Variants in PRKN observed in about 807,000 individuals in gnomAD.
PRKN encodes the protein E3 ubiquitin-protein ligase parkin.
Under a neutral mutation model 59.5 loss-of-function variants are expected in PRKN, and 56 were observed. The observed-to-expected ratio is 0.94, with a 90% CI of 0.76 to 1.18. PRKN has a LOEUF of 1.18. PRKN is among the 50% of genes most tolerant of loss of function. The pLI, the probability that PRKN is intolerant of heterozygous loss-of-function variation, is 0.00. For synonymous variants in PRKN, 250 were observed against 222.1 expected (o/e 1.13, Z -1.12); for missense variants, 657 against 596.4 (o/e 1.10, Z -1.06).
intron 5 of PRKN, among the ~76,000 whole-genome samples, chr6:162,000,856 T>C (rs974970932): frequency 2.6e-5 from 4 of 151,942 alleles, no homozygotes; most frequent in Non-Finnish European, 5.9e-5. Flanking sequence ...TTTTTTTGTT[T>C]TTGCATGTTT....
intron 7 of PRKN, among the ~76,000 whole-genome samples, chr6:161,712,823 C>A (rs1174325478): frequency 6.6e-6 from 1 of 151,876 alleles, no homozygotes; most frequent in Non-Finnish European, 1.5e-5. Context: ...TGTTTTTGTC[C>A]TTGCACTCAG....
chr6:162,325,965 C>T (rs1783254101), intron 2 of PRKN, among the ~76,000 whole-genome samples: 1 of 152,074 alleles, frequency 6.6e-6, no homozygotes, highest in African/African-American at 2.4e-5. Context: ...GGTGACGGCA[C>T]ACATAATAGC....
intron 2 of PRKN, among the ~76,000 whole-genome samples, chr6:162,272,365 T>C (rs9458493): frequency 6.6e-6 from 1 of 151,938 alleles, no homozygotes; most frequent in East Asian, 1.9e-4. Flanking sequence ...TTCTTTTTTC[T>C]TTAAGTATTA....
Position 162,021,276 on chromosome 6 carries a change from T to C in PRKN, c.618+32815A>G, listed in dbSNP as rs533658563. 2.3e-4 allele frequency among the ~76,000 whole-genome samples: 22 copies of C among 93,828 alleles called. No individual in the cohort carries two copies. In the South Asian group the frequency reaches 7.3e-3, roughly 31 times the overall value. The allele number at this position is 93,828 out of a possible 152,430, so 61.6% of individuals were successfully genotyped here. A position where few individuals can be genotyped will look rare whatever the true frequency, so the allele number is the denominator to read the frequency against. Reference sequence around the variant, plus strand: ...TTGATAAGAAAACAGATAATTAAACTATCATATAAAACCACACTTAAATGA... The same window carrying C: ...TTGATAAGAAAACAGATAATTAAACCATCATATAAAACCACACTTAAATGA... On this transcript the variant is annotated intron_variant, in intron 5 of 11. Transcript: ENST00000366898.
In PRKN at chr6:162,142,379, G is replaced by C. The variant is rs113631875; in HGVS notation, c.534+58752C>G. Among the ~76,000 whole-genome samples the C allele has an allele frequency of 4.4e-3, 669 of 152,172 alleles. 6 individuals are homozygous for C. The highest frequency in any genetic ancestry group is 0.016 in the African/African-American group (653 of 41,502). ...TGCCAGGTACTTGATGTATGGCTTT[G>C]GTCAAGTAAGTTAAACTCTCTCTGC... On this transcript the variant is annotated intron_variant, in intron 4 of 11. Coordinates refer to ENST00000366898, the MANE Select transcript of PRKN (RefSeq NM_004562.3).
In PRKN at chr6:162,222,685, G is replaced by A. The variant is rs74344264; in HGVS notation, c.413-21433C>T. On this transcript the variant is annotated intron_variant, in intron 3 of 11. Coordinates refer to ENST00000366898, the MANE Select transcript of PRKN (RefSeq NM_004562.3). The stretch of plus-strand genomic sequence containing the variant: ...GTTAAGCACTGCTCACAATGTCTGC[G>A]GGTCAGACCTGAGGAAATGCGGGAC... 7.0e-3 allele frequency among the ~76,000 whole-genome samples: 1,066 copies of A among 152,128 alleles called. 13 individuals carry two copies. The highest frequency in any genetic ancestry group is 0.024 in the African/African-American group (1,004 of 41,482).
At chr6:162,074,811 C>G (rs1387670023) in intron 4 of PRKN, among the ~76,000 whole-genome samples, 1 of 152,086 alleles carries the variant, frequency 6.6e-6, no homozygotes, top group Non-Finnish European at 1.5e-5. Flanking sequence ...CGCGTTTCCC[C>G]CTTCACAACT....
At chr6:161,469,146 T>G (rs1449207463) in intron 9 of PRKN, among the ~76,000 whole-genome samples, 1 of 152,204 alleles carries the variant, frequency 6.6e-6, no homozygotes, top group African/African-American at 2.4e-5. Flanking sequence ...CCTTGAATTG[T>G]AATAATCCAC....
At chr6:162,607,175 C>T (rs902168236) in intron 1 of PRKN, among the ~76,000 whole-genome samples, 15 of 152,122 alleles carry the variant, frequency 9.9e-5, no homozygotes, top group African/African-American at 3.6e-4. Context: ...TGGGTCTAGA[C>T]TAGAGATTGA....
At chr6:162,279,475 G>GA (rs1264059636) in intron 2 of PRKN, among the ~76,000 whole-genome samples, 1 of 131,904 alleles carries the variant, frequency 7.6e-6, no homozygotes, top group Non-Finnish European at 1.6e-5. Flanking sequence ...GAAGAGAAGA[G>GA]AAAAGAAAAG....
intron 1 of PRKN, among the ~76,000 whole-genome samples, chr6:162,467,366 TATC>T (rs1791473397): frequency 6.6e-6 from 1 of 152,096 alleles, no homozygotes; most frequent in South Asian, 2.1e-4. Flanking sequence ...TTCAAGCACT[TATC>T]ATGCGCTCTC....
Position 162,056,346 on chromosome 6 carries a change from A to G in PRKN, c.535-2172T>C, listed in dbSNP as rs1433259489. On this transcript the variant is annotated intron_variant, in intron 4 of 11. Transcript: ENST00000366898. The surrounding 1 kb of genome is among the most constrained non-coding windows in gnomAD (Gnocchi z 4.9). ...ACACACACAATACCACACAGCACAC[A>G]GGCATACACATACTACATACACTCA... is the stretch of plus-strand genomic sequence containing the variant. Among the ~76,000 whole-genome samples the G allele has an allele frequency of 6.6e-6, 1 of 151,800 alleles. No homozygotes were observed. Among genetic ancestry groups the G allele is most frequent in the Non-Finnish European group, 1.5e-5 (1 of 67,920 alleles).
At position 161,545,369 on chromosome 6, in the gene PRKN, T is replaced by C. The variant is rs1483567853; in HGVS notation, c.1083+3485A>G. The C allele has an allele frequency of 2.5e-6, 4 of 1,611,662 alleles. No homozygotes were observed. The highest frequency in any genetic ancestry group is 3.4e-6 in the Non-Finnish European group (4 of 1,179,370). ...TAGCTTTGCTACCAATGACTTTTCC[T>C]TGAACGATGTATTGAATGAGGCACT... On this transcript the variant is annotated intron_variant, in intron 9 of 11. Coordinates refer to ENST00000366898, the MANE Select transcript of PRKN (RefSeq NM_004562.3). The surrounding 1 kb of genome is among the most constrained non-coding windows in gnomAD (Gnocchi z 4.1).
In PRKN at chr6:161,655,730, G is replaced by T. The variant is rs190509837; in HGVS notation, c.872-86314C>A. Among the ~76,000 whole-genome samples the T allele has an allele frequency of 9.9e-5, 15 of 152,280 alleles. No individual in the cohort carries two copies. In the East Asian group the frequency reaches 2.7e-3, roughly 27 times the overall value. ...TGATTACACTGATTTTACTAGGTTG[G>T]ACTAAATTTAGTTCTCCTGCTGCTG... is the stretch of plus-strand genomic sequence containing the variant. On this transcript the variant is annotated intron_variant, in intron 7 of 11. Coordinates refer to ENST00000366898, the MANE Select transcript of PRKN (RefSeq NM_004562.3).
chr6:161,904,320 T>G (rs1360044073), intron 6 of PRKN, among the ~76,000 whole-genome samples: 1 of 138,652 alleles, frequency 7.2e-6, no homozygotes. Flanking sequence ...TTTTTTTTTT[T>G]TTTTTTTTTT....
intron 1 of PRKN, among the ~76,000 whole-genome samples, chr6:162,643,007 T>G (rs1298039193): frequency 6.6e-6 from 1 of 152,204 alleles, no homozygotes; most frequent in Non-Finnish European, 1.5e-5. Context: ...TATATCCTTA[T>G]CTATTTTATT....
intron 5 of PRKN, among the ~76,000 whole-genome samples, chr6:162,018,278 G>T (rs1415068726): frequency 6.6e-6 from 1 of 152,042 alleles, no homozygotes; most frequent in African/African-American, 2.4e-5. Flanking sequence ...CACCTGCCTC[G>T]GCCTCCCAAA....
intron 4 of PRKN, among the ~76,000 whole-genome samples, chr6:162,183,353 A>G (rs1218745603): frequency 6.6e-6 from 1 of 152,120 alleles, no homozygotes; most frequent in Non-Finnish European, 1.5e-5. Context: ...CTGACAGGGA[A>G]CTCACACAGG....
intron 4 of PRKN, among the ~76,000 whole-genome samples, chr6:162,091,635 G>C (rs1779500754): frequency 6.6e-6 from 1 of 152,154 alleles, no homozygotes. Context: ...AGTATACAGG[G>C]CAGACAGGGT....
Sources: gnomAD v4.1 joint callset for allele counts (sites outside exome capture counted in the v4.1 genomes callset) on GRCh38, gnomAD v4.1.1 for gene constraint, Gnocchi (gnomAD v3.1) non-coding constraint, MANE v1.5 for transcripts, NCBI Gene and HGNC (gene_info 2026-07-23, HGNC 2026-07-21) for gene names.